The following TSPAN2 variants were observed in gnomAD, a reference collection of about 807,000 sequenced individuals.
The protein encoded by TSPAN2 is tetraspanin 2.
TSPAN2 carries 24 observed loss-of-function variants against 33.3 expected under a neutral mutation model. The observed-to-expected ratio is 0.72, with a 90% CI of 0.52 to 1.01. The LOEUF is 1.01. TSPAN2 is among the 50% of genes least tolerant of loss of function. The pLI, the probability that TSPAN2 is intolerant of heterozygous loss-of-function variation, is 0.00. For synonymous variants in TSPAN2, 114 were observed against 104.5 expected (o/e 1.09, Z -0.56); for missense variants, 278 against 281.3 (o/e 0.99, Z 0.08).
At position 115,072,940 on chromosome 1, in the gene TSPAN2, G is replaced by A; in HGVS notation, c.137C>T (p.Ser46Leu). The change falls in exon 2 of 8, where the codon TCA becomes TTA. Residue 46 changes from serine to leucine, a missense_variant. Physicochemically the swap from Ser to Leu is moderately radical, Grantham distance 145. Coordinates refer to ENST00000369516, the MANE Select transcript of TSPAN2 (RefSeq NM_005725.6). ...ATACTCTGGGGACTTGTCCTCTGATGATAACTCCTTTATGGCACCTCCGAA... is the reference window on the plus strand; with the variant it reads ...ATACTCTGGGGACTTGTCCTCTGATAATAACTCCTTTATGGCACCTCCGAA... The part of the protein sequence containing the change: ...FRFGGAIKEL[S>L]SEDKSPEYFY... The A allele has an allele frequency of 1.2e-6, 2 of 1,614,108 alleles. No homozygotes were observed. Among genetic ancestry groups the A allele is most frequent in the Non-Finnish European group, 8.5e-7 (1 of 1,179,990 alleles).
chr1:115,089,296 G>T, intron 1 of TSPAN2, 68 bp downstream of exon 1: 1 of 1,405,326 alleles, frequency 7.1e-7, no homozygotes, highest in Non-Finnish European at 9.6e-7. Flanking sequence ...CAGCAGCTCG[G>T]GGACCCCGGC....
intron 7 of TSPAN2, among the ~76,000 whole-genome samples, chr1:115,052,835 C>T (rs1191686103): frequency 6.6e-6 from 1 of 152,084 alleles, no homozygotes; most frequent in African/African-American, 2.4e-5. Context: ...ATGTAGTATC[C>T]CATTTAATTT....
intron 7 of TSPAN2, among the ~76,000 whole-genome samples, chr1:115,051,910 C>T (rs1168898754): frequency 1.3e-5 from 2 of 152,194 alleles, no homozygotes; most frequent in Admixed American, 1.3e-4. Context: ...GGGGTGCCGA[C>T]TCAAGATAGG....
rs960825845 is a variant in TSPAN2, at chr1:115,049,272, TG to T, written c.*1217del. The T allele has an allele frequency of 1.3e-5, 2 of 152,536 alleles. No individual in the cohort carries two copies. The allele number at this position is 152,536 out of a possible 1,614,324, so 9.4% of individuals were successfully genotyped here. A position where few individuals can be genotyped will look rare whatever the true frequency, so the allele number is the denominator to read the frequency against. ...ATTTGCATAAAAAGAACATTATTTT[TG>T]TTCTGTGTATATATAAGTATTTTTG... On this transcript the variant is annotated 3_prime_UTR_variant, in exon 8 of 8. Coordinates refer to ENST00000369516, the MANE Select transcript of TSPAN2 (RefSeq NM_005725.6).
intron 1 of TSPAN2, among the ~76,000 whole-genome samples, chr1:115,087,083 C>T (rs889125398): frequency 2.0e-5 from 3 of 151,974 alleles, no homozygotes; most frequent in African/African-American, 7.2e-5. Context: ...CCATGCCCGG[C>T]TAATTTTTGT....
chr1:115,062,051 C>T, intron 3 of TSPAN2, 84 bp downstream of exon 3: 2 of 1,199,662 alleles, frequency 1.7e-6, no homozygotes, highest in Non-Finnish European at 2.4e-6. Context: ...GGAGCTGGAG[C>T]CAGGGGCCAG....
chr1:115,065,198 G>T lies in TSPAN2; in HGVS notation c.173-2966C>A, dbSNP rs192260221. Among the ~76,000 whole-genome samples the T allele has an allele frequency of 1.7e-3, 256 of 152,310 alleles. 2 individuals are homozygous for T. The highest frequency in any genetic ancestry group is 2.8e-4 in the Non-Finnish European group (19 of 68,028). On this transcript the variant is annotated intron_variant, in intron 2 of 7. Coordinates refer to ENST00000369516, the MANE Select transcript of TSPAN2 (RefSeq NM_005725.6). The stretch of plus-strand genomic sequence containing the variant: ...GCAGAAGAAATTCTACAAGAGGAAA[G>T]GTTCCCTGGGCGTGCCGGATCCAGT...
intron 1 of TSPAN2, among the ~76,000 whole-genome samples, chr1:115,082,893 G>A (rs1472711166): frequency 6.6e-6 from 1 of 152,190 alleles, no homozygotes; most frequent in Non-Finnish European, 1.5e-5. Context: ...ACCACCTACT[G>A]TGCCTGACTT....
In TSPAN2 at chr1:115,050,102, A is replaced by C. The variant is rs543474206; in HGVS notation, c.*388T>G. 4.0e-6 allele frequency: 1 copy of C among 251,032 alleles called. No individual in the cohort carries two copies. The highest frequency in any genetic ancestry group is 1.5e-4 in the East Asian group (1 of 6,814). The allele number at this position is 251,032 out of a possible 1,614,324, so 15.6% of individuals were successfully genotyped here. A position where few individuals can be genotyped will look rare whatever the true frequency, so the allele number is the denominator to read the frequency against. On this transcript the variant is annotated 3_prime_UTR_variant, in exon 8 of 8. Transcript: ENST00000369516. ...TCTAATTTTCAATGGCTACAGTCTG[A>C]GAAACTGACCCATTATCACTTTTTC...
chr1:115,068,892 G>T (rs139942832), intron 2 of TSPAN2, among the ~76,000 whole-genome samples: 60 of 152,326 alleles, frequency 3.9e-4, no homozygotes, highest in African/African-American at 1.4e-3. Flanking sequence ...CAGAGAGGCA[G>T]CACCGGGAGA....
At chr1:115,088,135 T>C (rs142285655) in intron 1 of TSPAN2, among the ~76,000 whole-genome samples, 1,822 of 152,344 alleles carry the variant, frequency 0.012, 17 homozygotes, top group Non-Finnish European at 0.016. Context: ...GTTCAGGGGA[T>C]GTCGAGGAGG....
intron 1 of TSPAN2, among the ~76,000 whole-genome samples, chr1:115,085,906 C>T (rs1648815351): frequency 6.6e-6 from 1 of 152,100 alleles, no homozygotes. Context: ...TATTCTAGCA[C>T]TGGGGATACA....
chr1:115,050,584 CT>C, intron 7 of TSPAN2, 29 bp from the exon 8 acceptor site: 1 of 1,606,360 alleles, frequency 6.2e-7, no homozygotes, highest in Non-Finnish European at 8.5e-7. Context: ...TCATCAGTGA[CT>C]TTGAAACGGG....
At chr1:115,089,312 G>GCC in intron 1 of TSPAN2, 52 bp downstream of exon 1, 1 of 1,389,176 alleles carries the variant, frequency 7.2e-7, no homozygotes, top group Non-Finnish European at 9.8e-7. Context: ...CCGGCCCCGC[G>GCC]CCCGCCACCC....
chr1:115,079,353 C>A (rs909022019), intron 1 of TSPAN2, among the ~76,000 whole-genome samples: 6 of 152,134 alleles, frequency 3.9e-5, no homozygotes, highest in African/African-American at 1.4e-4. Context: ...GGTGGCAATT[C>A]TCATCCCCAT....
At position 115,057,522 on chromosome 1, in the gene TSPAN2, T is replaced by C. The variant is rs1183978023; in HGVS notation, c.516+15A>G. ...TGATACTACAGGTAGAGTAAGAACC[T>C]TGGTAGAAGCTTACCTTGTGTCCTA... On this transcript the variant is annotated intron_variant, in intron 6 of 7. Transcript: ENST00000369516. 3.7e-6 allele frequency: 6 copies of C among 1,613,282 alleles called. No individual in the cohort carries two copies. The highest frequency in any genetic ancestry group is 5.1e-6 in the Non-Finnish European group (6 of 1,179,232).
intron 2 of TSPAN2, among the ~76,000 whole-genome samples, chr1:115,064,199 G>A (rs987597087): frequency 6.6e-6 from 1 of 152,210 alleles, no homozygotes; most frequent in Non-Finnish European, 1.5e-5. Context: ...AGTCAAGATG[G>A]CTGTAGGCAG....
rs951663489 is a variant in TSPAN2, at chr1:115,057,507, G to T, written c.516+30C>A. The T allele has an allele frequency of 5.6e-6, 9 of 1,601,080 alleles. No individual in the cohort carries two copies. The African/African-American group carries it at 1.2e-4, about 21-fold the overall frequency. On this transcript the variant is annotated intron_variant, in intron 6 of 7. Coordinates refer to ENST00000369516, the MANE Select transcript of TSPAN2 (RefSeq NM_005725.6). The stretch of plus-strand genomic sequence containing the variant: ...CCTAAGCTAGCAGCATGATACTACA[G>T]GTAGAGTAAGAACCTTGGTAGAAGC...
intron 4 of TSPAN2, among the ~76,000 whole-genome samples, chr1:115,059,879 A>ACT (rs1278791267): frequency 3.3e-5 from 5 of 152,238 alleles, no homozygotes; most frequent in Admixed American, 6.5e-5. Context: ...GAAATACACC[A>ACT]AACTTAAGTT....
Sources: allele counts gnomAD v4.1 joint callset (sites outside exome capture counted in the v4.1 genomes callset), GRCh38; gene constraint gnomAD v4.1.1; transcripts MANE v1.5; gene names NCBI Gene and HGNC (gene_info 2026-07-23, HGNC 2026-07-21).